EIF2AK3: variants seen among roughly 807,000 people sequenced by gnomAD.
The protein encoded by EIF2AK3 is eukaryotic translation initiation factor 2-alpha kinase 3.
A neutral mutation model predicts 113.5 loss-of-function variants in EIF2AK3; 50 were observed. The observed-to-expected ratio is 0.44, with a 90% confidence interval of 0.35 to 0.56. The LOEUF is 0.56. EIF2AK3 is among the 20% of genes least tolerant of loss of function. EIF2AK3 has a pLI of 0.00. For synonymous variants in EIF2AK3, 448 were observed against 495.4 expected (o/e 0.90, Z 1.27); for missense variants, 1,185 against 1,378.0 (o/e 0.86, Z 2.22).
chr2:88,571,108 T>C (rs1573389883), intron 13 of EIF2AK3, 67 bp from the exon 14 acceptor site: 3 of 1,541,408 alleles, frequency 1.9e-6, no homozygotes, highest in Non-Finnish European at 2.7e-6. Flanking sequence ...AAGAGAATTA[T>C]TTAAAAGACT....
At position 88,558,919 on chromosome 2, in the gene EIF2AK3, C is replaced by T; in HGVS notation, c.3148G>A (p.Glu1050Lys). The T allele has an allele frequency of 2.5e-6, 4 of 1,594,820 alleles. No homozygotes were observed. The highest frequency in any genetic ancestry group is 3.4e-6 in the Non-Finnish European group (4 of 1,162,984). The change falls in exon 16 of 17, where the codon GAG becomes AAG. Residue 1050 changes from glutamate (E) to lysine (K), a missense_variant and splice_region_variant. Physicochemically the swap from Glu to Lys is moderately conservative, Grantham distance 56. This residue lies in a region of EIF2AK3 where 877 missense variants were observed against 1,024.2 expected (regional missense o/e 0.86). Coordinates refer to ENST00000303236, the MANE Select transcript of EIF2AK3 (RefSeq NM_004836.7). ...TAAAAGATGAGAATTACACATACCT[C>T]ACAAGGATATTTCTGAGTAAATAAT... ...PPLFTQKYPC[E>K]YVMVQDMLSP...
At chr2:88,574,261 G>A (rs777597376) in intron 13 of EIF2AK3, among the ~76,000 whole-genome samples, 4 of 152,148 alleles carry the variant, frequency 2.6e-5, no homozygotes, top group Non-Finnish European at 4.4e-5. Flanking sequence ...TCACCATGCT[G>A]CTTCAGAGCC....
chr2:88,574,624 G>A (rs201051286), intron 13 of EIF2AK3, 42 bp downstream of exon 13: 23 of 1,608,648 alleles, frequency 1.4e-5, no homozygotes, highest in African/African-American at 4.0e-5. Context: ...ATCACAAAAC[G>A]TCAGATTGAA....
rs781256167 is a variant in EIF2AK3, at chr2:88,590,886, C to T, written c.934G>A (p.Val312Ile). Residue 312 changes from valine (V) to isoleucine (I), a missense_variant, in exon 5 of 17, where the codon GTT (valine) becomes ATT (isoleucine). By Grantham distance (29) the Val-to-Ile change is conservative. Coordinates refer to ENST00000303236, the MANE Select transcript of EIF2AK3 (RefSeq NM_004836.7). ...ATAACTTTCCAGTCAGCAACCGAAA[C>T]CTTTATCACTATGTCCATTATGGCA... ...EAAIMDIVIK[V>I]SVADWKVMAF... 5 of 1,614,068 alleles carry T rather than the reference C, an allele frequency of 3.1e-6. No individual in the cohort carries two copies. In the South Asian group the frequency reaches 5.5e-5, roughly 18 times the overall value.
intron 2 of EIF2AK3, among the ~76,000 whole-genome samples, chr2:88,608,903 TTTG>T (rs1675362353): frequency 6.6e-6 from 1 of 150,608 alleles, no homozygotes; most frequent in Non-Finnish European, 1.5e-5. Context: ...TTTTTTGTAT[TTTG>T]TATTTTTTGT....
At chr2:88,582,231 C>G (rs1674618231) in intron 10 of EIF2AK3, among the ~76,000 whole-genome samples, 1 of 152,162 alleles carries the variant, frequency 6.6e-6, no homozygotes, top group African/African-American at 2.4e-5. Flanking sequence ...GATGACTAAT[C>G]CTGACTACTA....
At chr2:88,598,739 A>C (rs1210480623) in intron 2 of EIF2AK3, among the ~76,000 whole-genome samples, 1 of 152,224 alleles carries the variant, frequency 6.6e-6, no homozygotes, top group Non-Finnish European at 1.5e-5. Context: ...AGGTCAACTG[A>C]CAAAACTTGC....
chr2:88,599,806 A>G lies in EIF2AK3; in HGVS notation c.439-4143T>C, dbSNP rs372180886. ...TCCTTAGGGAATACAATGTCTCCTA[A>G]GTGCAAAAATCAACTGCCAAACTAA... On this transcript the variant is annotated intron_variant, in intron 2 of 16. Transcript: ENST00000303236. Among the ~76,000 whole-genome samples the G allele has an allele frequency of 2.7e-4, 41 of 152,282 alleles. No homozygotes were observed. The South Asian group carries it at 7.5e-3, about 28-fold the overall frequency.
chr2:88,577,922 A>G (rs141694008), intron 11 of EIF2AK3, among the ~76,000 whole-genome samples: 124 of 152,338 alleles, frequency 8.1e-4, no homozygotes, highest in African/African-American at 2.8e-3. Flanking sequence ...CCTTTTGGCC[A>G]CATCTGCTCT....
chr2:88,627,226 GC>G lies in EIF2AK3; in HGVS notation c.48del (p.Leu17CysfsTer54). On this transcript the variant is annotated frameshift_variant, in exon 1 of 17. Transcript: ENST00000303236. LOFTEE classifies it high-confidence loss of function. Reference protein sequence around the residue: ...SPGLLVRALLLLLLLLGLAAR... With the variant: ...SPGLLVRALLXLLLLLGLAAR... ...GCCGCGAGCCCCAGCAGCAGCAGCA[GC>G]AGCAGCAGCGCCCGTACCAGCAGCC... The G allele has an allele frequency of 6.8e-7, 1 of 1,476,396 alleles. No homozygotes were observed. The highest frequency in any genetic ancestry group is 8.9e-7 in the Non-Finnish European group (1 of 1,119,926). The allele number at this position is 1,476,396 out of a possible 1,614,324, so 91.5% of individuals were successfully genotyped here. A position where few individuals can be genotyped will look rare whatever the true frequency, so the allele number is the denominator to read the frequency against.
In EIF2AK3 at chr2:88,627,053, G is replaced by T; in HGVS notation, c.222C>A (p.Asp74Glu). The T allele has an allele frequency of 1.3e-6, 2 of 1,593,314 alleles. No individual in the cohort carries two copies. The highest frequency in any genetic ancestry group is 1.7e-6 in the Non-Finnish European group (2 of 1,175,602). ...CCGCGGCTGCCGGCAGCGCCTCAGCGTCCTCCACAGTCACCTCGGCCGCAG... is the reference window on the plus strand; with the variant it reads ...CCGCGGCTGCCGGCAGCGCCTCAGCTTCCTCCACAGTCACCTCGGCCGCAG... ...AVAAAEVTVE[D>E]AEALPAAAGE... The change falls in exon 1 of 17, where the codon GAC becomes GAA. Residue 74 changes from aspartate to glutamate, a missense_variant. Physicochemically the swap from Asp to Glu is conservative, Grantham distance 45 (BLOSUM62 2). Transcript: ENST00000303236.
At chr2:88,571,082 T>G in intron 13 of EIF2AK3, 41 bp from the exon 14 acceptor site, 1 of 1,605,704 alleles carries the variant, frequency 6.2e-7, no homozygotes, top group Non-Finnish European at 8.5e-7. Context: ...TGGGTGTGCA[T>G]GGAGGCGAAA....
At chr2:88,607,735 AG>A (rs1322522625) in intron 2 of EIF2AK3, among the ~76,000 whole-genome samples, 1 of 152,242 alleles carries the variant, frequency 6.6e-6, no homozygotes, top group Admixed American at 6.5e-5. Context: ...GCAAGCCAGG[AG>A]GCAAGTATGT....
Position 88,627,174 on chromosome 2 carries a change from C to A in EIF2AK3, c.101G>T (p.Arg34Leu). Residue 34 changes from arginine (R) to leucine (L), a missense_variant, in exon 1 of 17, where the codon CGT becomes CTT. Physicochemically the swap from Arg to Leu is moderately radical, Grantham distance 102 (BLOSUM62 -2). Coordinates refer to ENST00000303236, the MANE Select transcript of EIF2AK3 (RefSeq NM_004836.7). ...AARTVAAGRA[R>L]GLPAPTAEAA... ...CTCCGCCGTCGGCGCTGGGAGGCCA[C>A]GGGCGCGCCCCGCGGCCACCGTCCT... is the stretch of plus-strand genomic sequence containing the variant. The A allele has an allele frequency of 6.9e-7, 1 of 1,440,400 alleles. No individual in the cohort carries two copies. The highest frequency in any genetic ancestry group is 9.1e-7 in the Non-Finnish European group (1 of 1,102,298). 89.2% of individuals were successfully genotyped at this position (1,440,400 alleles called of 1,614,324 possible).
Position 88,558,954 on chromosome 2 carries a change from T to C in EIF2AK3, c.3113A>G (p.Lys1038Arg), listed in dbSNP as rs1194974239. 12 of 1,598,300 alleles carry C rather than the reference T, an allele frequency of 7.5e-6. No homozygotes were observed. Among genetic ancestry groups the C allele is most frequent in the Non-Finnish European group, 1.0e-5 (12 of 1,166,218 alleles). Residue 1038 changes from lysine (K) to arginine (R), a missense_variant, in exon 16 of 17, where the codon AAA becomes AGA. By Grantham distance (26) the Lys-to-Arg change is conservative. Transcript: ENST00000303236. Reference sequence around the variant, plus strand: ...TTTCTGAGTAAATAATGGTGGAAATTTGAGATTTCTTACATCAGTTAAGGT... The same window carrying C: ...TTTCTGAGTAAATAATGGTGGAAATCTGAGATTTCTTACATCAGTTAAGGT... Reference protein sequence around the residue: ...VRTLTDVRNLKFPPLFTQKYP... With the variant: ...VRTLTDVRNLRFPPLFTQKYP...
At chr2:88,607,872 T>G (rs1390909356) in intron 2 of EIF2AK3, among the ~76,000 whole-genome samples, 1 of 152,240 alleles carries the variant, frequency 6.6e-6, no homozygotes, top group African/African-American at 2.4e-5. Flanking sequence ...TGACTGTACC[T>G]GATGCATGAA....
In EIF2AK3 at chr2:88,570,914, G is replaced by A. The variant is rs918476097; in HGVS notation, c.2945C>T (p.Thr982Ile). ...ATACAGTTTGGTCCCTACTTGTCCT[G>A]TGTGTCTGGCATAAGCTGGCATTGG... The part of the protein sequence containing the change: ...LTPMPAYARH[T>I]GQVGTKLYMS... Residue 982 changes from threonine (T) to isoleucine (I), a missense_variant, in exon 14 of 17, where the codon ACA becomes ATA. Physicochemically the swap from Thr to Ile is moderately conservative, Grantham distance 89 (BLOSUM62 -1). This residue lies in a region of EIF2AK3 where 877 missense variants were observed against 1,024.2 expected (regional missense o/e 0.86). Coordinates refer to ENST00000303236, the MANE Select transcript of EIF2AK3 (RefSeq NM_004836.7). 1.2e-6 allele frequency: 2 copies of A among 1,613,988 alleles called. No individual in the cohort carries two copies. Among genetic ancestry groups the A allele is most frequent in the Non-Finnish European group, 1.7e-6 (2 of 1,180,020 alleles).
Position 88,593,348 on chromosome 2 carries a change from G to C in EIF2AK3, c.691C>G (p.Gln231Glu). Residue 231 changes from glutamine to glutamate, a missense_variant, in exon 4 of 17, where the codon CAA becomes GAA. Gln to Glu is a conservative substitution (Grantham distance 29). Coordinates refer to ENST00000303236, the MANE Select transcript of EIF2AK3 (RefSeq NM_004836.7). ...TGTAGAAGCAGGATGTCTTCCTCTT[G>C]TTCCATTTCGTCACTATCCCATTGG... Reference protein sequence around the residue: ...CRQWDSDEMEQEEDILLLQRT... With the variant: ...CRQWDSDEMEEEEDILLLQRT... 1 of 1,614,012 alleles carries C rather than the reference G, an allele frequency of 6.2e-7. No homozygotes were observed. The highest frequency in any genetic ancestry group is 8.5e-7 in the Non-Finnish European group (1 of 1,179,986).
At chr2:88,565,182 G>A (rs1034982896) in intron 14 of EIF2AK3, among the ~76,000 whole-genome samples, 1 of 151,200 alleles carries the variant, frequency 6.6e-6, no homozygotes, top group Non-Finnish European at 1.5e-5. Context: ...GATTACAGGT[G>A]CCTGCCATCA....
Sources: allele counts gnomAD v4.1 joint callset (sites outside exome capture counted in the v4.1 genomes callset), GRCh38; gene constraint gnomAD v4.1.1; regional missense constraint gnomAD v4.1.1; transcripts MANE v1.5; gene names NCBI Gene and HGNC (gene_info 2026-07-23, HGNC 2026-07-21).